The following SGCD variants were observed in gnomAD, a reference collection of about 807,000 sequenced individuals.
SGCD encodes the protein delta-sarcoglycan.
Under a neutral mutation model 36.6 loss-of-function variants are expected in SGCD, and 18 were observed. The observed-to-expected ratio is 0.49, with a 90% CI of 0.34 to 0.73. SGCD has a LOEUF of 0.73. Among genes scored for constraint, SGCD ranks in the 30% least tolerant of loss-of-function variants. SGCD has a pLI of 0.01. For synonymous variants in SGCD, 133 were observed against 130.6 expected (o/e 1.02, Z -0.12); for missense variants, 387 against 346.7 (o/e 1.12, Z -0.92).
intron 1 of SGCD, among the ~76,000 whole-genome samples, chr5:155,975,609 C>CCTTTTTTTTTTTTTTTTT (rs1758096365): frequency 1.1e-4 from 3 of 28,008 alleles, no homozygotes; most frequent in Non-Finnish European, 1.4e-4. Context: ...TCTTTCTTTC[C>CCTTTTTTTTTTTTTTTTT]TTTTTTTTTT....
rs529947580 is a variant in SGCD, at chr5:155,961,049, T to C, written c.-282+90625T>C. 1.6e-4 allele frequency among the ~76,000 whole-genome samples: 25 copies of C among 152,222 alleles called. No individual in the cohort carries two copies. The South Asian group carries it at 3.7e-3, about 23-fold the overall frequency. On this transcript the variant is annotated intron_variant, in intron 1 of 9. Coordinates refer to the SGCD transcript ENST00000517913. ...GTAACTAGGACTTTCAGAAGCACAC[T>C]TTCCTTTTGTTACAACTTTTTTTTC... is the stretch of plus-strand genomic sequence containing the variant.
the SGCD span, among the ~76,000 whole-genome samples, chr5:155,815,325 A>G: frequency 6.6e-6 from 1 of 152,238 alleles, no homozygotes; most frequent in South Asian, 2.1e-4. Context: ...TACTCTCAAC[A>G]TAAAGTTAAA....
rs181391929 is a variant in SGCD at position 156,641,840 on chromosome 5, A to G, written c.503-5624A>G. On this transcript the variant is annotated intron_variant, in intron 6 of 8. Coordinates refer to ENST00000337851, the MANE Select transcript of SGCD (RefSeq NM_000337.6). ...CCACTCTTCTCTATGCTTACTACCA[A>G]TCATATGATCCCATCTACCACCATC... 5.3e-5 allele frequency among the ~76,000 whole-genome samples: 8 copies of G among 152,160 alleles called. No individual in the cohort carries two copies. In the East Asian group the frequency reaches 1.4e-3, roughly 26 times the overall value.
intron 1 of SGCD, among the ~76,000 whole-genome samples, chr5:156,037,718 C>A (rs1759533883): frequency 6.6e-6 from 1 of 152,116 alleles, no homozygotes; most frequent in Admixed American, 6.5e-5. Context: ...ACAGTGAGGT[C>A]TGGAAAATTT....
chr5:156,124,768 T>C (rs962677429), intron 3 of SGCD, among the ~76,000 whole-genome samples: 1 of 151,646 alleles, frequency 6.6e-6, no homozygotes. Flanking sequence ...GAGGGACAGA[T>C]GGAGGGAGGG....
At chr5:156,317,279 G>A (rs1453155978) in intron 3 of SGCD, among the ~76,000 whole-genome samples, 1 of 152,108 alleles carries the variant, frequency 6.6e-6, no homozygotes, top group African/African-American at 2.4e-5. Context: ...GTATATAAGA[G>A]CCACTTTTAC....
At chr5:156,193,488 G>A (rs1314331909) in intron 3 of SGCD, among the ~76,000 whole-genome samples, 2 of 152,124 alleles carry the variant, frequency 1.3e-5, no homozygotes, top group Non-Finnish European at 2.9e-5. Context: ...GCCTCTGTGT[G>A]GCAGAAAGCA....
chr5:156,252,000 C>T (rs1765592384), intron 3 of SGCD, among the ~76,000 whole-genome samples: 1 of 152,048 alleles, frequency 6.6e-6, no homozygotes, highest in Admixed American at 6.5e-5. Flanking sequence ...CTTTGTCTTA[C>T]TTTAAAACTC....
intron 6 of SGCD, among the ~76,000 whole-genome samples, chr5:156,600,456 TG>T (rs1761147289): frequency 6.6e-6 from 1 of 152,214 alleles, no homozygotes; most frequent in South Asian, 2.1e-4. Context: ...CTTAGCAAAA[TG>T]TCCTCTGGTT....
chr5:155,818,455 G>A, the SGCD span, among the ~76,000 whole-genome samples: 91,651 of 152,016 alleles, frequency 0.6, 29,434 homozygotes, highest in African/African-American at 0.82. Context: ...TCGTAGGAGA[G>A]GAGAGGGGTG....
intron 6 of SGCD, among the ~76,000 whole-genome samples, chr5:156,613,199 T>A (rs1034867236): frequency 1.3e-5 from 2 of 152,186 alleles, no homozygotes; most frequent in African/African-American, 4.8e-5. Flanking sequence ...TTTGCATCCC[T>A]TTTTGTGGGG....
chr5:156,333,844 C>T (rs1768196516), intron 2 of SGCD, among the ~76,000 whole-genome samples: 1 of 76,508 alleles, frequency 1.3e-5, no homozygotes, highest in Non-Finnish European at 2.4e-5. Context: ...AAGTATTGCT[C>T]AAAATCTGTG....
the SGCD span, among the ~76,000 whole-genome samples, chr5:155,860,187 A>G: frequency 1.3e-5 from 2 of 152,234 alleles, no homozygotes; most frequent in Admixed American, 6.5e-5. Flanking sequence ...GTAGGTAGAG[A>G]TACCTGAGGA....
At chr5:156,300,535 G>C (rs1767027790) in intron 3 of SGCD, among the ~76,000 whole-genome samples, 1 of 152,032 alleles carries the variant, frequency 6.6e-6, no homozygotes, top group African/African-American at 2.4e-5. Context: ...CCTAACATAT[G>C]GTCTATCCTT....
chr5:156,490,292 C>A (rs1251459685), intron 3 of SGCD, among the ~76,000 whole-genome samples: 1 of 151,898 alleles, frequency 6.6e-6, no homozygotes, highest in Non-Finnish European at 1.5e-5. Flanking sequence ...AAAGAACTAA[C>A]ACTAATTCTT....
chr5:156,594,438 A>G (rs1760842852), intron 5 of SGCD, among the ~76,000 whole-genome samples: 3 of 152,206 alleles, frequency 2.0e-5, no homozygotes. Context: ...CTAAGGAAAT[A>G]AATTTCTCTT....
At chr5:156,307,849 T>A (rs1272339913) in intron 3 of SGCD, among the ~76,000 whole-genome samples, 284 of 152,266 alleles carry the variant, frequency 1.9e-3, no homozygotes, top group African/African-American at 6.7e-3. Context: ...ATATTTTCAC[T>A]TTGTGTGTTT....
chr5:155,839,775 A>G, the SGCD span, among the ~76,000 whole-genome samples: 1 of 152,162 alleles, frequency 6.6e-6, no homozygotes, highest in East Asian at 1.9e-4. Flanking sequence ...ACACCTGCTC[A>G]GGGTCAAACC....
intron 7 of SGCD, among the ~76,000 whole-genome samples, chr5:156,656,291 C>A (rs1763675472): frequency 1.3e-5 from 2 of 151,954 alleles, no homozygotes; most frequent in South Asian, 4.1e-4. Flanking sequence ...AAAGGGAATA[C>A]AACAGAAATG....
Sources: gnomAD v4.1 joint callset for allele counts (sites outside exome capture counted in the v4.1 genomes callset) on GRCh38, gnomAD v4.1.1 for gene constraint, MANE v1.5 for transcripts, NCBI Gene and HGNC (gene_info 2026-07-23, HGNC 2026-07-21) for gene names.